The following ADAMTSL1 variants were observed in gnomAD, a reference collection of about 807,000 sequenced individuals.
ADAMTSL1 encodes the protein ADAMTS like 1.
A neutral mutation model predicts 201.8 loss-of-function variants in ADAMTSL1; 126 were observed. That is an observed-to-expected ratio of 0.62 (90% CI 0.54 to 0.72). ADAMTSL1 has a LOEUF of 0.72. Ranked by LOEUF, ADAMTSL1 falls within the 30% of genes least tolerant of loss-of-function variation. ADAMTSL1 has a pLI of 0.00. For missense variants in ADAMTSL1, 2,679 were observed against 2,277.8 expected (o/e 1.18, Z -3.59); for synonymous variants, 1,121 against 903.4 (o/e 1.24, Z -4.32).
At chr9:18,342,721 C>G (rs1379247215) in intron 2 of ADAMTSL1, among the ~76,000 whole-genome samples, 1 of 152,068 alleles carries the variant, frequency 6.6e-6, no homozygotes, top group East Asian at 1.9e-4. Flanking sequence ...AAGCTGAGAC[C>G]TTTGAAAATC....
intron 16 of ADAMTSL1, among the ~76,000 whole-genome samples, chr9:18,755,536 T>C (rs1241023173): frequency 6.6e-6 from 1 of 152,218 alleles, no homozygotes; most frequent in East Asian, 1.9e-4. Context: ...GAAACATCAA[T>C]GTCTTTTTGA....
chr9:18,475,451 T>C (rs1821401086), intron 1 of ADAMTSL1, among the ~76,000 whole-genome samples: 1 of 152,198 alleles, frequency 6.6e-6, no homozygotes, highest in Non-Finnish European at 1.5e-5. Flanking sequence ...ATTCAATATT[T>C]TATACATTCC....
Position 18,861,137 on chromosome 9 carries a change from T to C in ADAMTSL1, c.4250-26694T>C, listed in dbSNP as rs10506563. 8.8e-3 allele frequency among the ~76,000 whole-genome samples: 1,347 copies of C among 152,278 alleles called. 22 individuals carry two copies. Among genetic ancestry groups the C allele is most frequent in the African/African-American group, 0.03 (1,242 of 41,566 alleles). The stretch of plus-strand genomic sequence containing the variant: ...CAGAGATCATATACATATCCCTCGT[T>C]ATACAGAGATCATATACACATCCCT... On this transcript the variant is annotated intron_variant, in intron 23 of 28. Coordinates refer to ENST00000380548, the MANE Select transcript of ADAMTSL1 (RefSeq NM_001040272.6).
Position 18,084,494 on chromosome 9 carries a change from C to A in ADAMTSL1, c.88-79368C>A, listed in dbSNP as rs552576169. Among the ~76,000 whole-genome samples the A allele has an allele frequency of 4.6e-5, 7 of 151,448 alleles. No individual in the cohort carries two copies. In the South Asian group the frequency reaches 1.5e-3, roughly 32 times the overall value. On this transcript the variant is annotated intron_variant, in intron 1 of 29. Transcript: ENST00000680146. The stretch of plus-strand genomic sequence containing the variant: ...CCGAGATGACACTACTGCATTCCAA[C>A]CTGGGCAACAGAGCAAGACTCCATC...
intron 7 of ADAMTSL1, among the ~76,000 whole-genome samples, chr9:18,655,896 G>C (rs1828626739): frequency 6.9e-6 from 1 of 145,228 alleles, no homozygotes; most frequent in African/African-American, 2.6e-5. Context: ...AGGTACCCTT[G>C]TATCTGACAC....
At chr9:17,971,861 T>A (rs1360228) in intron 1 of ADAMTSL1, among the ~76,000 whole-genome samples, 123,148 of 151,824 alleles carry the variant, frequency 0.81, 50,336 homozygotes, top group East Asian at 0.92. Flanking sequence ...TATCATGTGC[T>A]TATTTTTCTT....
intron 1 of ADAMTSL1, among the ~76,000 whole-genome samples, chr9:18,152,387 C>T (rs1024619077): frequency 6.6e-6 from 1 of 152,030 alleles, no homozygotes; most frequent in South Asian, 2.1e-4. Context: ...AAATATAGAA[C>T]ACGCCACATA....
intron 1 of ADAMTSL1, among the ~76,000 whole-genome samples, chr9:18,137,892 G>T (rs1034502473): frequency 6.6e-6 from 1 of 152,114 alleles, no homozygotes; most frequent in Non-Finnish European, 1.5e-5. Flanking sequence ...AGGCATCTTT[G>T]ACCTAAGACT....
intron 2 of ADAMTSL1, among the ~76,000 whole-genome samples, chr9:18,407,366 G>C (rs1818250324): frequency 6.6e-6 from 1 of 152,176 alleles, no homozygotes; most frequent in South Asian, 2.1e-4. Context: ...CTGGAGCTCA[G>C]GATGAAGAAC....
At chr9:18,247,050 G>T (rs1831279750) in intron 2 of ADAMTSL1, among the ~76,000 whole-genome samples, 1 of 151,976 alleles carries the variant, frequency 6.6e-6, no homozygotes, top group Non-Finnish European at 1.5e-5. Context: ...TTTGGGTATT[G>T]GGGTCAATAG....
rs74506014 is a variant in ADAMTSL1 at position 18,274,235 on chromosome 9, A to G, written c.207+110254A>G. 2.8e-3 allele frequency among the ~76,000 whole-genome samples: 429 copies of G among 152,324 alleles called. 5 individuals carry two copies. The highest frequency in any genetic ancestry group is 0.022 in the East Asian group (112 of 5,178). On this transcript the variant is annotated intron_variant, in intron 2 of 29. Transcript: ENST00000680146. ...CCTATCGCTACGCATGGTTTATTTG[A>G]TGCATTCGTAAAAATGTAGGTAATA...
intron 3 of ADAMTSL1, among the ~76,000 whole-genome samples, chr9:18,542,525 A>G (rs1380536004): frequency 6.6e-6 from 1 of 152,190 alleles, no homozygotes; most frequent in Admixed American, 6.5e-5. Flanking sequence ...AATCAGTATG[A>G]CTGGTGGTCT....
At chr9:18,559,740 A>T (rs926182290) in intron 3 of ADAMTSL1, among the ~76,000 whole-genome samples, 3 of 152,128 alleles carry the variant, frequency 2.0e-5, no homozygotes, top group Non-Finnish European at 2.9e-5. Context: ...TGTAAGTTAT[A>T]TTCCTAGGTA....
At chr9:18,633,010 G>GAT (rs1386290532) in intron 5 of ADAMTSL1, among the ~76,000 whole-genome samples, 1 of 152,124 alleles carries the variant, frequency 6.6e-6, no homozygotes, top group African/African-American at 2.4e-5. Context: ...GGAACATACA[G>GAT]ATATTACAGC....
intron 2 of ADAMTSL1, among the ~76,000 whole-genome samples, chr9:18,253,108 T>C (rs1447374354): frequency 6.6e-6 from 1 of 152,232 alleles, no homozygotes; most frequent in African/African-American, 2.4e-5. Flanking sequence ...ATGATGTAGA[T>C]GTCATGATGA....
At chr9:18,487,404 A>T (rs1441227442) in intron 1 of ADAMTSL1, among the ~76,000 whole-genome samples, 1 of 152,236 alleles carries the variant, frequency 6.6e-6, no homozygotes. Context: ...TTGGAACAGC[A>T]TCAAATAGGT....
At chr9:18,405,910 A>G (rs564741056) in intron 2 of ADAMTSL1, among the ~76,000 whole-genome samples, 1 of 152,314 alleles carries the variant, frequency 6.6e-6, no homozygotes, top group Admixed American at 6.5e-5. Context: ...ACTCTTGGGA[A>G]CTATTTCTGC....
chr9:18,675,951 C>G (rs1397357036), intron 10 of ADAMTSL1, 44 bp downstream of exon 10: 1 of 1,500,918 alleles, frequency 6.7e-7, no homozygotes, highest in Non-Finnish European at 9.3e-7. Context: ...GCAAATTAGT[C>G]TTCTGCTGCT....
At chr9:18,144,542 A>T (rs1424207029) in intron 1 of ADAMTSL1, among the ~76,000 whole-genome samples, 1 of 152,094 alleles carries the variant, frequency 6.6e-6, no homozygotes. Flanking sequence ...AAACTTACAC[A>T]TATGTAAAAT....
Sources: allele counts gnomAD v4.1 joint callset (sites outside exome capture counted in the v4.1 genomes callset), GRCh38; gene constraint gnomAD v4.1.1; transcripts MANE v1.5; gene names NCBI Gene and HGNC (gene_info 2026-07-23, HGNC 2026-07-21).